The following COL25A1 variants were observed in gnomAD, a reference collection of about 807,000 sequenced individuals.
The protein encoded by COL25A1 is collagen alpha-1(XXV) chain.
COL25A1 carries 103 observed loss-of-function variants against 128.4 expected under a neutral mutation model. The ratio of observed to expected loss-of-function variants is 0.80; its 90% CI spans 0.68 to 0.94. The LOEUF is 0.94. Among genes scored for constraint, COL25A1 ranks in the 40% least tolerant of loss-of-function variants. COL25A1 has a pLI of 0.00. For missense variants in COL25A1, 745 were observed against 840.0 expected, an observed-to-expected ratio of 0.89 and a Z score of 1.40; for synonymous variants, 279 against 277.2, an observed-to-expected ratio of 1.01 and a Z score of -0.06.
intron 31 of COL25A1, among the ~76,000 whole-genome samples, chr4:108,839,307 A>C (rs1734153171): frequency 1.3e-5 from 2 of 152,212 alleles, no homozygotes; most frequent in Admixed American, 1.3e-4. Context: ...GAATCATGCT[A>C]TATATTTGAA....
At chr4:109,277,279 T>C (rs1722937877) in intron 3 of COL25A1, among the ~76,000 whole-genome samples, 1 of 152,182 alleles carries the variant, frequency 6.6e-6, no homozygotes, top group African/African-American at 2.4e-5. Flanking sequence ...AATGACCAGG[T>C]ATTTAACCAA....
intron 12 of COL25A1, 43 bp downstream of exon 12, chr4:108,920,535 T>C (rs1745375949): frequency 6.6e-7 from 1 of 1,522,970 alleles, no homozygotes; most frequent in South Asian, 1.2e-5. Flanking sequence ...CATTAGGTCA[T>C]GAGAGCATAA....
At chr4:108,873,559 T>TAGTAGC (rs1210453791) in intron 19 of COL25A1, among the ~76,000 whole-genome samples, 1,917 of 106,272 alleles carry the variant, frequency 0.018, 40 homozygotes, top group African/African-American at 0.054. Context: ...GTAGTAGTAG[T>TAGTAGC]AGCAGCAGTA....
At chr4:109,215,456 T>C (rs2007788) in intron 3 of COL25A1, among the ~76,000 whole-genome samples, 13,158 of 152,188 alleles carry the variant, frequency 0.086, 1,189 homozygotes, top group African/African-American at 0.23. Flanking sequence ...TGGAGGTCAG[T>C]CATCAACACT....
At chr4:108,978,056 G>A (rs1752607938) in intron 6 of COL25A1, among the ~76,000 whole-genome samples, 1 of 152,208 alleles carries the variant, frequency 6.6e-6, no homozygotes, top group South Asian at 2.1e-4. Context: ...TTTCCTCAAA[G>A]TCCAATTACT....
intron 3 of COL25A1, among the ~76,000 whole-genome samples, chr4:109,290,663 G>A (rs1429050621): frequency 1.3e-5 from 2 of 151,982 alleles, no homozygotes; most frequent in Non-Finnish European, 2.9e-5. Flanking sequence ...AATAGCTTTG[G>A]TTGGCATGTA....
At chr4:109,210,621 C>G (rs1777419160) in intron 3 of COL25A1, among the ~76,000 whole-genome samples, 1 of 152,078 alleles carries the variant, frequency 6.6e-6, no homozygotes, top group Admixed American at 6.6e-5. Context: ...ACAATCGTGA[C>G]CTTTTTGATA....
chr4:109,253,159 G>A (rs541135590), intron 3 of COL25A1, among the ~76,000 whole-genome samples: 1 of 152,140 alleles, frequency 6.6e-6, no homozygotes. Context: ...ACCACTCTTG[G>A]TACCAAAATC....
intron 3 of COL25A1, among the ~76,000 whole-genome samples, chr4:109,193,481 A>C (rs1775782319): frequency 6.6e-6 from 1 of 152,168 alleles, no homozygotes; most frequent in African/African-American, 2.4e-5. Flanking sequence ...ATAATGAGGA[A>C]TAAGAATAAA....
chr4:109,122,485 A>C (rs564028623), intron 3 of COL25A1, among the ~76,000 whole-genome samples: 19 of 152,208 alleles, frequency 1.2e-4, no homozygotes, highest in Non-Finnish European at 2.8e-4. Context: ...GGGGAGAAGA[A>C]GGGAAGTCTG....
intron 3 of COL25A1, among the ~76,000 whole-genome samples, chr4:109,245,992 T>C (rs1780232059): frequency 7.0e-6 from 1 of 142,130 alleles, no homozygotes; most frequent in African/African-American, 2.7e-5. Context: ...TAGAGGAACC[T>C]CTAGTTGCTT....
intron 3 of COL25A1, among the ~76,000 whole-genome samples, chr4:109,197,947 A>G (rs897475072): frequency 2.0e-5 from 3 of 152,164 alleles, no homozygotes; most frequent in African/African-American, 7.2e-5. Flanking sequence ...TATGTTGTCA[A>G]TATTACATTC....
chr4:108,910,852 T>A lies in COL25A1; in HGVS notation c.780+7320A>T, dbSNP rs376122131. On this transcript the variant is annotated intron_variant, in intron 13 of 37. Transcript: ENST00000399132. ...AACACTGGATACATTTTAGTAATTA[T>A]GATATACTGCTTCTATTCTCTGCAC... Among the ~76,000 whole-genome samples the A allele has an allele frequency of 2.6e-4, 40 of 152,286 alleles. No individual in the cohort carries two copies. The South Asian group carries it at 8.3e-3, about 32-fold the overall frequency.
chr4:108,972,525 G>T (rs959547166), intron 8 of COL25A1, among the ~76,000 whole-genome samples: 1 of 152,068 alleles, frequency 6.6e-6, no homozygotes, highest in Non-Finnish European at 1.5e-5. Flanking sequence ...CTTGGAATCT[G>T]AGAAAAGACA....
At chr4:109,059,153 T>G (rs953116604) in intron 3 of COL25A1, among the ~76,000 whole-genome samples, 1 of 152,206 alleles carries the variant, frequency 6.6e-6, no homozygotes, top group Non-Finnish European at 1.5e-5. Context: ...GACTAATATT[T>G]ATGAGTGCCA....
chr4:109,068,024 C>T (rs568394848), intron 3 of COL25A1, among the ~76,000 whole-genome samples: 4 of 152,144 alleles, frequency 2.6e-5, no homozygotes, highest in Non-Finnish European at 4.4e-5. Flanking sequence ...TCTCATTACA[C>T]AATAACCAGA....
chr4:109,291,681 T>TA, intron 3 of COL25A1, among the ~76,000 whole-genome samples: 1 of 151,944 alleles, frequency 6.6e-6, no homozygotes, highest in Non-Finnish European at 1.5e-5. Flanking sequence ...TATCTAGAAT[T>TA]AAAAAATAAG....
chr4:109,245,093 A>C (rs943086312), intron 3 of COL25A1, among the ~76,000 whole-genome samples: 1 of 152,204 alleles, frequency 6.6e-6, no homozygotes, highest in Non-Finnish European at 1.5e-5. Flanking sequence ...GGAAGGGTTT[A>C]AGTGACCATA....
intron 3 of COL25A1, among the ~76,000 whole-genome samples, chr4:109,114,958 C>G (rs577955418): frequency 6.6e-6 from 1 of 152,030 alleles, no homozygotes; most frequent in Non-Finnish European, 1.5e-5. Flanking sequence ...AATCAAACAA[C>G]AGTCAAATTA....
Sources: allele counts gnomAD v4.1 joint callset (sites outside exome capture counted in the v4.1 genomes callset), GRCh38; gene constraint gnomAD v4.1.1; transcripts MANE v1.5; gene names NCBI Gene and HGNC (gene_info 2026-07-23, HGNC 2026-07-21).